The following IL1RAPL2 variants were observed in gnomAD, a reference collection of about 807,000 sequenced individuals.
IL1RAPL2 encodes interleukin 1 receptor accessory protein like 2.
A neutral mutation model predicts 44.1 loss-of-function variants in IL1RAPL2; 3 were observed. The observed-to-expected ratio is 0.07, with a 90% confidence interval of 0.03 to 0.18. The LOEUF is 0.18. IL1RAPL2 is among the 10% of genes least tolerant of loss of function. IL1RAPL2 has a pLI of 1.00. For synonymous variants in IL1RAPL2, 181 were observed against 178.8 expected (o/e 1.01, Z -0.10); for missense variants, 391 against 496.4 (o/e 0.79, Z 2.02).
chrX:105,363,306 A>C (rs201302100), intron 5 of IL1RAPL2, among the ~76,000 whole-genome samples: 2 of 75,532 alleles, frequency 2.6e-5, no homozygotes, highest in East Asian at 6.5e-4. Flanking sequence ...ATATATATAT[A>C]TAATATATAT....
At chrX:105,069,445 C>G (rs1018490533) in intron 2 of IL1RAPL2, among the ~76,000 whole-genome samples, 2 of 112,108 alleles carry the variant, frequency 1.8e-5, no homozygotes, top group Non-Finnish European at 3.8e-5. Flanking sequence ...TTAAATGAAA[C>G]AAGCAAGTTT....
chrX:104,855,964 C>T (rs970819800), intron 2 of IL1RAPL2, among the ~76,000 whole-genome samples: 83 of 110,489 alleles, frequency 7.5e-4, no homozygotes, highest in Non-Finnish European at 9.3e-4. Context: ...GTAACTGCTG[C>T]TGGCCTAAGA....
intron 2 of IL1RAPL2, among the ~76,000 whole-genome samples, chrX:105,103,694 G>A (rs2032700834): frequency 1.8e-5 from 2 of 111,589 alleles, no homozygotes; most frequent in African/African-American, 6.5e-5. Context: ...GGTCAAAGTA[G>A]AACTAGGCTA....
At chrX:105,250,772 G>T (rs1054536805) in intron 4 of IL1RAPL2, among the ~76,000 whole-genome samples, 1 of 110,418 alleles carries the variant, frequency 9.1e-6, no homozygotes, top group Non-Finnish European at 1.9e-5. Context: ...GAATTGCCAA[G>T]AAAATATTGG....
chrX:105,028,266 T>C (rs1310331695), intron 2 of IL1RAPL2, among the ~76,000 whole-genome samples: 1 of 111,191 alleles, frequency 9.0e-6, no homozygotes. Context: ...TACTATTTGA[T>C]AGCACAACAG....
chrX:105,621,856 A>G (rs2037420446), intron 6 of IL1RAPL2, among the ~76,000 whole-genome samples: 1 of 111,174 alleles, frequency 9.0e-6, no homozygotes, highest in Non-Finnish European at 1.9e-5. Flanking sequence ...CACCTCAGGT[A>G]CTAGTGATGG....
intron 5 of IL1RAPL2, among the ~76,000 whole-genome samples, chrX:105,450,563 G>C (rs934236951): frequency 8.9e-6 from 1 of 111,745 alleles, no homozygotes; most frequent in Admixed American, 9.5e-5. Context: ...GCTAGCCTCA[G>C]CCTCTCAGTT....
chrX:104,857,833 C>T (rs1922402554), intron 2 of IL1RAPL2, among the ~76,000 whole-genome samples: 1 of 111,067 alleles, frequency 9.0e-6, no homozygotes, highest in South Asian at 3.8e-4. Context: ...TCCCTCCAAC[C>T]TGTTTTTTGT....
chrX:104,909,458 TC>T (rs779865197), intron 2 of IL1RAPL2, among the ~76,000 whole-genome samples: 151 of 112,042 alleles, frequency 1.3e-3, no homozygotes, highest in Non-Finnish European at 1.4e-3. Context: ...TTCTGTTTTT[TC>T]CCCATCTTTG....
intron 4 of IL1RAPL2, among the ~76,000 whole-genome samples, chrX:105,261,277 C>A (rs1461121562): frequency 1.1e-4 from 12 of 112,069 alleles, no homozygotes; most frequent in African/African-American, 3.9e-4. Context: ...TCCTGTCTTG[C>A]TTTTCTTCAT....
intron 2 of IL1RAPL2, among the ~76,000 whole-genome samples, chrX:104,817,882 A>G (rs35034492): frequency 9.0e-6 from 1 of 111,473 alleles, no homozygotes; most frequent in Admixed American, 9.6e-5. Flanking sequence ...ATATAGAGAT[A>G]CAAGGAAGGA....
At chrX:104,735,181 T>C (rs898204392) in intron 2 of IL1RAPL2, among the ~76,000 whole-genome samples, 7 of 111,247 alleles carry the variant, frequency 6.3e-5, no homozygotes, top group African/African-American at 2.3e-4. Flanking sequence ...AAATTAGAAA[T>C]AAAAAATTCA....
intron 2 of IL1RAPL2, among the ~76,000 whole-genome samples, chrX:104,681,491 A>T (rs1323516145): frequency 8.9e-6 from 1 of 112,416 alleles, no homozygotes; most frequent in African/African-American, 3.2e-5. Context: ...ACGAAAGTTT[A>T]AAAGTACTGC....
chrX:104,871,658 A>G (rs761326962), intron 2 of IL1RAPL2, among the ~76,000 whole-genome samples: 1 of 111,433 alleles, frequency 9.0e-6, no homozygotes, highest in Admixed American at 9.6e-5. Context: ...TAAGAGGGAC[A>G]GGAAGATCTT....
Position 104,829,938 on chromosome X carries a change from A to G in IL1RAPL2, c.82+170943A>G, listed in dbSNP as rs774439308. Among the ~76,000 whole-genome samples the G allele has an allele frequency of 3.4e-3, 382 of 111,976 alleles. 1 individual carries two copies. The highest frequency in any genetic ancestry group is 0.011 in the African/African-American group (354 of 30,846). On this transcript the variant is annotated intron_variant, in intron 2 of 10. Transcript: ENST00000372582. ...TACTGATTTAGAGATGGAAAAACTG[A>G]ACCTCACACAGGTTAAGGAATCTGC...
chrX:104,899,488 T>C (rs1300343516), intron 2 of IL1RAPL2, among the ~76,000 whole-genome samples: 11 of 112,059 alleles, frequency 9.8e-5, no homozygotes, highest in Admixed American at 8.5e-4. Context: ...AAAGACAGCC[T>C]CTCTTTGATT....
In IL1RAPL2 at chrX:105,315,578, G is replaced by GTATATATATATATATATATA. The variant is rs771525814; in HGVS notation, c.697+48041_697+48060dup. On this transcript the variant is annotated intron_variant, in intron 5 of 10. Transcript: ENST00000372582. ...CCCTAGAGGGACAGAACTAATGGATGTATATATATATATATATATATATGG... is the reference window on the plus strand; with the variant it reads ...CCCTAGAGGGACAGAACTAATGGATGTATATATATATATATATATATATATATATATATATATATATATGG... Among the ~76,000 whole-genome samples the GTATATATATATATATATATA allele has an allele frequency of 4.8e-3, 104 of 21,809 alleles. 29 individuals carry two copies. The highest frequency in any genetic ancestry group is 0.013 in the Non-Finnish European group (79 of 6,037). 18.9% of individuals were successfully genotyped at this position (21,809 alleles called of 115,157 possible). A position where few individuals can be genotyped will look rare whatever the true frequency, so the allele number is the denominator to read the frequency against.
At chrX:105,419,643 G>A (rs1330328601) in intron 5 of IL1RAPL2, among the ~76,000 whole-genome samples, 2 of 111,929 alleles carry the variant, frequency 1.8e-5, no homozygotes, top group Admixed American at 1.9e-4. Flanking sequence ...TACAAACCAA[G>A]GGAGCAATGC....
At chrX:105,636,113 G>A (rs1007678290) in intron 6 of IL1RAPL2, among the ~76,000 whole-genome samples, 5 of 110,779 alleles carry the variant, frequency 4.5e-5, no homozygotes, top group African/African-American at 1.6e-4. Context: ...GAGGGAGAAA[G>A]GGCATAATTT....
Sources: allele counts gnomAD v4.1 joint callset (sites outside exome capture counted in the v4.1 genomes callset), GRCh38; gene constraint gnomAD v4.1.1; transcripts MANE v1.5; gene names NCBI Gene and HGNC (gene_info 2026-07-23, HGNC 2026-07-21).